PDZRN3: variants seen among roughly 807,000 people sequenced by gnomAD.
PDZRN3 encodes PDZ domain containing ring finger 3, also known as E3 ubiquitin-protein ligase PDZRN3.
In PDZRN3, 38 loss-of-function variants were observed where a neutral mutation model predicts 85.7. The observed-to-expected ratio is 0.44, with a 90% CI of 0.34 to 0.58. The LOEUF (loss-of-function observed/expected upper bound fraction) is 0.58. Ranked by LOEUF, PDZRN3 falls within the 20% of genes least tolerant of loss-of-function variation. The pLI, the probability that PDZRN3 is intolerant of heterozygous loss-of-function variation, is 0.01. For missense variants in PDZRN3, 1,629 were observed against 1,506.4 expected (o/e 1.08, Z -1.35); for synonymous variants, 759 against 638.0 (o/e 1.19, Z -2.86).
chr3:73,518,158 A>G (rs192843411), intron 3 of PDZRN3, among the ~76,000 whole-genome samples: 1 of 152,360 alleles, frequency 6.6e-6, no homozygotes, highest in African/African-American at 2.4e-5. Context: ...ATACAATGCC[A>G]TATTATTTAG....
intron 3 of PDZRN3, among the ~76,000 whole-genome samples, chr3:73,471,002 C>T (rs116319459): frequency 1.1e-3 from 171 of 152,232 alleles, no homozygotes; most frequent in African/African-American, 3.9e-3. Flanking sequence ...CCTCCACCCC[C>T]GACTGACTCA....
chr3:73,600,242 A>G (rs973123197), intron 3 of PDZRN3, among the ~76,000 whole-genome samples: 7 of 141,752 alleles, frequency 4.9e-5, no homozygotes, highest in African/African-American at 1.6e-4. Flanking sequence ...TGGTTTGCCC[A>G]TTCCCCTGAA....
At chr3:73,488,179 A>C (rs1242831414) in intron 3 of PDZRN3, among the ~76,000 whole-genome samples, 2 of 152,152 alleles carry the variant, frequency 1.3e-5, no homozygotes, top group Non-Finnish European at 2.9e-5. Flanking sequence ...TAAAATGTAA[A>C]TTTTTCTATT....
At chr3:73,473,214 A>T (rs1703381455) in intron 3 of PDZRN3, among the ~76,000 whole-genome samples, 1 of 152,218 alleles carries the variant, frequency 6.6e-6, no homozygotes, top group South Asian at 2.1e-4. Flanking sequence ...CTGTAGTTAT[A>T]GTTCTCTGAC....
In PDZRN3 at chr3:73,596,764, T is replaced by C. The variant is rs559504907; in HGVS notation, c.918+5590A>G. 2.0e-5 allele frequency among the ~76,000 whole-genome samples: 3 copies of C among 152,234 alleles called. No individual in the cohort carries two copies. The South Asian group carries it at 6.2e-4, about 32-fold the overall frequency. ...TATAAAGTAAAGGAAACTAAATAAA[T>C]ATGAAAATGGAATACAACCCATGAC... On this transcript the variant is annotated intron_variant, in intron 3 of 9. Coordinates refer to ENST00000263666, the MANE Select transcript of PDZRN3 (RefSeq NM_015009.3).
intron 3 of PDZRN3, among the ~76,000 whole-genome samples, chr3:73,454,481 C>G (rs771619284): frequency 9.2e-5 from 14 of 152,144 alleles, no homozygotes; most frequent in Non-Finnish European, 1.8e-4. Flanking sequence ...TTTGAGTCGT[C>G]CAAGAGTTCC....
chr3:73,517,348 CTTCT>C (rs1360195978), intron 3 of PDZRN3, among the ~76,000 whole-genome samples: 4 of 152,122 alleles, frequency 2.6e-5, no homozygotes, highest in Non-Finnish European at 5.9e-5. Flanking sequence ...CCAAACAGGT[CTTCT>C]TTCTATGTGA....
At chr3:73,555,444 C>A (rs144094913) in intron 3 of PDZRN3, among the ~76,000 whole-genome samples, 179 of 152,294 alleles carry the variant, frequency 1.2e-3, no homozygotes, top group African/African-American at 4.0e-3. Flanking sequence ...TTCCTGCAGT[C>A]CAGGATGTTT....
intron 3 of PDZRN3, chr3:73,433,584 C>T (rs1702474340): frequency 8.4e-7 from 1 of 1,194,874 alleles, no homozygotes; most frequent in African/African-American, 1.5e-5. Flanking sequence ...CTAGAAGTTA[C>T]ACTTGGCCAG....
chr3:73,456,831 T>C (rs936557569), intron 3 of PDZRN3, among the ~76,000 whole-genome samples: 1 of 152,154 alleles, frequency 6.6e-6, no homozygotes, highest in Non-Finnish European at 1.5e-5. Flanking sequence ...CAGCGTGGTA[T>C]AAAATTTAGC....
chr3:73,495,222 G>C (rs1053339717), intron 3 of PDZRN3, among the ~76,000 whole-genome samples: 2 of 152,116 alleles, frequency 1.3e-5, no homozygotes, highest in Non-Finnish European at 2.9e-5. Flanking sequence ...TCTTTCGATA[G>C]CAAGATTCTT....
At chr3:73,516,322 A>C (rs1559718019) in intron 3 of PDZRN3, among the ~76,000 whole-genome samples, 1 of 152,224 alleles carries the variant, frequency 6.6e-6, no homozygotes, top group Non-Finnish European at 1.5e-5. Context: ...AAGCTGCACC[A>C]ATGTAAACTC....
intron 3 of PDZRN3, among the ~76,000 whole-genome samples, chr3:73,422,173 G>C (rs1397103147): frequency 6.6e-6 from 1 of 152,214 alleles, no homozygotes; most frequent in Non-Finnish European, 1.5e-5. Flanking sequence ...CATTCCTCCA[G>C]AACACTAGAG....
chr3:73,442,822 C>T (rs913735441), intron 3 of PDZRN3, among the ~76,000 whole-genome samples: 7 of 152,086 alleles, frequency 4.6e-5, no homozygotes, highest in Non-Finnish European at 5.9e-5. Context: ...ATGTGGTCCC[C>T]CCATGCCACA....
chr3:73,383,800 C>T lies in PDZRN3; in HGVS notation c.2766G>A (p.Lys922=), dbSNP rs766990252. Residue 922 remains lysine, a synonymous_variant, in exon 10 of 10, where the codon AAG becomes AAA. Coordinates refer to ENST00000263666, the MANE Select transcript of PDZRN3 (RefSeq NM_015009.3). ...PTPSEPRMEW[K]VKIRSDGTRY... ...GCGTCCCGTCGCTGCGGATCTTCAC[C>T]TTCCACTCCATGCGCGGCTCCGACG... is the stretch of plus-strand genomic sequence containing the variant. The T allele has an allele frequency of 2.5e-6, 4 of 1,613,666 alleles. No homozygotes were observed. Among genetic ancestry groups the T allele is most frequent in the Admixed American group, 3.3e-5 (2 of 60,030 alleles).
In PDZRN3 at chr3:73,383,468, A is replaced by G; in HGVS notation, c.3098T>C (p.Ile1033Thr). 1 of 1,613,994 alleles carries G rather than the reference A, an allele frequency of 6.2e-7. No homozygotes were observed. The highest frequency in any genetic ancestry group is 1.1e-5 in the South Asian group (1 of 91,072). The change falls in exon 10 of 10, where the codon ATC becomes ACC. Residue 1033 changes from isoleucine to threonine, a missense_variant. Ile to Thr is a moderately conservative substitution (Grantham distance 89, BLOSUM62 -1). Coordinates refer to ENST00000263666, the MANE Select transcript of PDZRN3 (RefSeq NM_015009.3). ...TTGGATCGTCATCCAGTTATCGAAG[A>G]TTTTCTTATTCCTCTTCTTCATCAT... The part of the protein sequence containing the change: ...KKMMKKRNKK[I>T]FDNWMTIQEL...
intron 1 of PDZRN3, among the ~76,000 whole-genome samples, chr3:73,620,064 G>A (rs951583350): frequency 4.6e-5 from 7 of 152,098 alleles, no homozygotes; most frequent in Non-Finnish European, 7.4e-5. Flanking sequence ...CAATGCACAG[G>A]TCAGCCTCCC....
intron 5 of PDZRN3, among the ~76,000 whole-genome samples, chr3:73,399,257 A>C (rs1045036990): frequency 1.3e-5 from 2 of 152,238 alleles, no homozygotes; most frequent in African/African-American, 4.8e-5. Context: ...CTACTTTGCC[A>C]CAATTACATC....
intron 3 of PDZRN3, among the ~76,000 whole-genome samples, chr3:73,478,989 G>A (rs1318242753): frequency 4.6e-5 from 7 of 152,152 alleles, no homozygotes; most frequent in South Asian, 2.1e-4. Context: ...GGCAAAAGTC[G>A]CAATTACTTT....
Sources: allele counts gnomAD v4.1 joint callset (sites outside exome capture counted in the v4.1 genomes callset), GRCh38; gene constraint gnomAD v4.1.1; transcripts MANE v1.5; gene names NCBI Gene and HGNC (gene_info 2026-07-23, HGNC 2026-07-21).